The following MICAL3 variants were observed in gnomAD, a reference collection of about 807,000 sequenced individuals.
The protein encoded by MICAL3 is microtubule associated monooxygenase, calponin and LIM domain containing 3.
A neutral mutation model predicts 207.4 loss-of-function variants in MICAL3; 62 were observed. That is an observed-to-expected ratio of 0.30 (90% CI 0.24 to 0.37). The LOEUF is 0.37. Ranked by LOEUF, MICAL3 falls within the 10% of genes least tolerant of loss-of-function variation. MICAL3 has a pLI of 1.00. For missense variants in MICAL3, 2,368 were observed against 2,635.6 expected, an observed-to-expected ratio of 0.90 and a Z score of 2.22; for synonymous variants, 1,077 against 1,069.3, an observed-to-expected ratio of 1.01 and a Z score of -0.14.
chr22:17,931,498 T>C (rs1933262726), intron 1 of MICAL3, among the ~76,000 whole-genome samples: 1 of 152,222 alleles, frequency 6.6e-6, no homozygotes, highest in Non-Finnish European at 1.5e-5. Context: ...GGACCAGGGT[T>C]GTGTGCTATA....
chr22:17,888,483 G>C (rs944017498), intron 13 of MICAL3, among the ~76,000 whole-genome samples: 2 of 152,216 alleles, frequency 1.3e-5, no homozygotes, highest in African/African-American at 4.8e-5. Context: ...AGGGCAACAA[G>C]AGTGGTTCAG....
chr22:17,922,465 T>C (rs918526868), intron 1 of MICAL3, among the ~76,000 whole-genome samples: 2 of 152,166 alleles, frequency 1.3e-5, no homozygotes, highest in Admixed American at 6.5e-5. Context: ...CCCTAAGGCA[T>C]ATTAGGAGTC....
intron 29 of MICAL3, among the ~76,000 whole-genome samples, 180 bp downstream of exon 29, chr22:17,808,664 G>A (rs2062012431): frequency 6.6e-6 from 1 of 152,214 alleles, no homozygotes; most frequent in Non-Finnish European, 1.5e-5. Flanking sequence ...GCCTGGGGCT[G>A]TCTCAGACAG....
intron 16 of MICAL3, among the ~76,000 whole-genome samples, chr22:17,872,381 G>A (rs1052083718): frequency 6.6e-6 from 1 of 152,138 alleles, no homozygotes; most frequent in Admixed American, 6.5e-5. Flanking sequence ...TAGAGAAAGA[G>A]CAATGGAGGG....
chr22:17,866,348 G>C (rs1335964033), intron 17 of MICAL3, among the ~76,000 whole-genome samples: 1 of 152,222 alleles, frequency 6.6e-6, no homozygotes, highest in Non-Finnish European at 1.5e-5. Context: ...ACAAAGATGT[G>C]GTCACATGAA....
rs199779649 is a variant in MICAL3 at position 17,877,277 on chromosome 22, T to G, written c.2242-5254A>C. The stretch of plus-strand genomic sequence containing the variant: ...GGGAGGTTAGGGAAGTTATGGAGGT[T>G]AGGGAGGTTATGGAGGTTAGGGAGG... On this transcript the variant is annotated intron_variant, in intron 16 of 31. Transcript: ENST00000441493. 1.4e-3 allele frequency among the ~76,000 whole-genome samples: 95 copies of G among 70,016 alleles called. 4 individuals are homozygous for G. The highest frequency in any genetic ancestry group is 2.0e-3 in the Non-Finnish European group (67 of 34,252). 45.9% of individuals were successfully genotyped at this position (70,016 alleles called of 152,430 possible). A position where few individuals can be genotyped will look rare whatever the true frequency, so the allele number is the denominator to read the frequency against.
intron 9 of MICAL3, among the ~76,000 whole-genome samples, chr22:17,895,976 C>T (rs1930793789): frequency 6.6e-6 from 1 of 152,122 alleles, no homozygotes; most frequent in Non-Finnish European, 1.5e-5. Flanking sequence ...TGGTGTTTTC[C>T]TATGAATTCA....
chr22:17,852,317 C>A (rs1925423851), intron 19 of MICAL3, among the ~76,000 whole-genome samples: 1 of 152,180 alleles, frequency 6.6e-6, no homozygotes, highest in Non-Finnish European at 1.5e-5. Context: ...CACAGTCACA[C>A]TTCTGTTTTC....
chr22:17,812,984 G>A (rs1246709971), intron 27 of MICAL3: 3 of 152,194 alleles, frequency 2.0e-5, no homozygotes, highest in Non-Finnish European at 2.9e-5. Context: ...GGGAGTAGAA[G>A]TGGGGTGCGG....
chr22:17,830,805 C>G (rs536975675), intron 21 of MICAL3, among the ~76,000 whole-genome samples: 2 of 152,238 alleles, frequency 1.3e-5, no homozygotes, highest in Non-Finnish European at 2.9e-5. Context: ...AAGTCCCTGA[C>G]GCCAGCTGTT....
chr22:17,942,095 T>C (rs987518204), intron 1 of MICAL3, among the ~76,000 whole-genome samples: 2 of 152,170 alleles, frequency 1.3e-5, no homozygotes, highest in African/African-American at 4.8e-5. Flanking sequence ...TCGGAGCGTG[T>C]CTGTTTTGTT....
At position 17,790,936 on chromosome 22, in the gene MICAL3, T is replaced by C. The variant is rs1387558250; in HGVS notation, c.5825-20A>G. 6.2e-7 allele frequency: 1 copy of C among 1,613,426 alleles called. No homozygotes were observed. The highest frequency in any genetic ancestry group is 8.5e-7 in the Non-Finnish European group (1 of 1,179,838). On this transcript the variant is annotated intron_variant, in intron 31 of 31. Coordinates refer to ENST00000441493, the MANE Select transcript of MICAL3 (RefSeq NM_015241.3). Reference sequence around the variant, plus strand: ...GGTGATCTTGAAGGAGAAGAAGGCATGAGGTGAGGGGCCTGGAGGTGGCAC... The same window carrying C: ...GGTGATCTTGAAGGAGAAGAAGGCACGAGGTGAGGGGCCTGGAGGTGGCAC...
At chr22:17,908,868 A>G (rs969606615) in intron 1 of MICAL3, among the ~76,000 whole-genome samples, 1 of 152,196 alleles carries the variant, frequency 6.6e-6, no homozygotes, top group Non-Finnish European at 1.5e-5. Flanking sequence ...GTGCTGCTGA[A>G]ACCAACTCTT....
chr22:17,882,625 C>CT, intron 16 of MICAL3, among the ~76,000 whole-genome samples: 1 of 152,344 alleles, frequency 6.6e-6, no homozygotes, highest in East Asian at 1.9e-4. Context: ...TTCACATGGA[C>CT]TTAAGAACTG....
chr22:17,885,793 C>T, intron 16 of MICAL3, 85 bp downstream of exon 16: 4 of 1,400,494 alleles, frequency 2.9e-6, no homozygotes, highest in South Asian at 1.2e-5. Context: ...GTCTGTGACA[C>T]AGCCCATCTC....
rs1373147485 is a variant in MICAL3, at chr22:17,899,467, T to C, written c.929A>G (p.Asp310Gly). The stretch of plus-strand genomic sequence containing the variant: ...GCTCACATGTAGTATCACTCCTTTG[T>C]CCAGCAAACTCTGCTTTTTGGCTGT... Reference protein sequence around the residue: ...VMTAKKQSLLDKGVILHDYAD... With the variant: ...VMTAKKQSLLGKGVILHDYAD... Residue 310 changes from aspartate to glycine, a missense_variant, in exon 7 of 32, where the codon GAC becomes GGC. Coordinates refer to ENST00000441493, the MANE Select transcript of MICAL3 (RefSeq NM_015241.3). 2 of 1,607,252 alleles carry C rather than the reference T, an allele frequency of 1.2e-6. No individual in the cohort carries two copies. Among genetic ancestry groups the C allele is most frequent in the Non-Finnish European group, 1.7e-6 (2 of 1,175,662 alleles).
Position 17,790,590 on chromosome 22 carries a change from A to T in MICAL3, c.*142T>A. ...GGCTCCCCACTGCACGCGGGACTCG[A>T]CCACTTTCCAAGCAGCACACGGGCA... On this transcript the variant is annotated 3_prime_UTR_variant, in exon 32 of 32. Coordinates refer to ENST00000441493, the MANE Select transcript of MICAL3 (RefSeq NM_015241.3). 1 of 763,906 alleles carries T rather than the reference A, an allele frequency of 1.3e-6. No homozygotes were observed. The highest frequency in any genetic ancestry group is 2.1e-6 in the Non-Finnish European group (1 of 485,032). The allele number at this position is 763,906 out of a possible 1,614,324, so 47.3% of individuals were successfully genotyped here.
At chr22:17,805,802 C>T (rs559992574) in intron 29 of MICAL3, among the ~76,000 whole-genome samples, 9 of 152,222 alleles carry the variant, frequency 5.9e-5, no homozygotes, top group Non-Finnish European at 1.2e-4. Flanking sequence ...GATCTCGGCT[C>T]ACCGCAACCT....
chr22:17,934,095 A>C (rs547016981), intron 1 of MICAL3, among the ~76,000 whole-genome samples: 1 of 152,188 alleles, frequency 6.6e-6, no homozygotes, highest in African/African-American at 2.4e-5. Context: ...TCAACAGAAA[A>C]AGAGGGAATC....
Sources: gnomAD v4.1 joint callset for allele counts (sites outside exome capture counted in the v4.1 genomes callset) on GRCh38, gnomAD v4.1.1 for gene constraint, MANE v1.5 for transcripts, NCBI Gene and HGNC (gene_info 2026-07-23, HGNC 2026-07-21) for gene names.